Variants in NPPB observed in about 807,000 individuals in gnomAD.
NPPB encodes natriuretic peptides B.
In NPPB, 13 loss-of-function variants were observed where a neutral mutation model predicts 12.7. That is an observed-to-expected ratio of 1.03 (90% CI 0.67 to 1.63). The LOEUF is 1.63. NPPB is among the 40% of genes most tolerant of loss of function. The pLI is 0.00. For missense variants in NPPB, 184 were observed against 172.9 expected (o/e 1.06, Z -0.36); for synonymous variants, 66 against 74.7 (o/e 0.88, Z 0.60).
chr1:11,857,629 C>T lies in NPPB; in HGVS notation c.*26G>A, dbSNP rs963752670. 9 of 1,613,412 alleles carry T rather than the reference C, an allele frequency of 5.6e-6. No individual in the cohort carries two copies. The highest frequency in any genetic ancestry group is 7.6e-6 in the Non-Finnish European group (9 of 1,179,490). Reference sequence around the variant, plus strand: ...AAAAAGCCCCTTGTGGAATCAGAAGCAGGTGTCTGCAGCCAGGACTTCCTC... The same window carrying T: ...AAAAAGCCCCTTGTGGAATCAGAAGTAGGTGTCTGCAGCCAGGACTTCCTC... On this transcript the variant is annotated 3_prime_UTR_variant, in exon 3 of 3. Coordinates refer to ENST00000376468, the MANE Select transcript of NPPB (RefSeq NM_002521.3).
At chr1:11,857,794 C>T in intron 2 of NPPB, 123 bp from the exon 3 acceptor site, 1 of 906,264 alleles carries the variant, frequency 1.1e-6, no homozygotes, top group South Asian at 1.4e-5. Context: ...CTTAATGCAA[C>T]TCTCTGAGCC....
chr1:11,857,532 A>G lies in NPPB; in HGVS notation c.*123T>C. The G allele has an allele frequency of 1.1e-6, 1 of 922,596 alleles. No individual in the cohort carries two copies. The highest frequency in any genetic ancestry group is 1.7e-6 in the Non-Finnish European group (1 of 588,392). 57.2% of individuals were successfully genotyped at this position (922,596 alleles called of 1,614,324 possible). On this transcript the variant is annotated 3_prime_UTR_variant, in exon 3 of 3. Transcript: ENST00000376468. ...GCTCAAAGGTAAGAAACCATCTTAT[A>G]TAAAACAATCAAATAAATACATAAA...
In NPPB at chr1:11,857,641, G is replaced by T. The variant is rs565053006; in HGVS notation, c.*14C>A. 6.2e-7 allele frequency: 1 copy of T among 1,614,040 alleles called. No homozygotes were observed. Among genetic ancestry groups the T allele is most frequent in the Non-Finnish European group, 8.5e-7 (1 of 1,179,926 alleles). On this transcript the variant is annotated 3_prime_UTR_variant, in exon 3 of 3. Coordinates refer to ENST00000376468, the MANE Select transcript of NPPB (RefSeq NM_002521.3). ...GTGGAATCAGAAGCAGGTGTCTGCA[G>T]CCAGGACTTCCTCTTAATGCCGCCT...
At position 11,858,873 on chromosome 1, in the gene NPPB, G is replaced by C. The variant is rs763139106; in HGVS notation, c.-40C>G. The C allele has an allele frequency of 2.8e-6, 4 of 1,450,684 alleles. No individual in the cohort carries two copies. Among genetic ancestry groups the C allele is most frequent in the Non-Finnish European group, 3.7e-6 (4 of 1,079,094 alleles). 89.9% of individuals were successfully genotyped at this position (1,450,684 alleles called of 1,614,324 possible). On this transcript the variant is annotated 5_prime_UTR_variant, in exon 1 of 3. Coordinates refer to ENST00000376468, the MANE Select transcript of NPPB (RefSeq NM_002521.3). ...TGCGGAGGCTGCTGCTGCTGCTTCT[G>C]CTGCTGCTGCTGCTGCTGCGATGCG...
At position 11,858,884 on chromosome 1, in the gene NPPB, T is replaced by A. The variant is rs13305989; in HGVS notation, c.-51A>T. 204 of 1,613,078 alleles carry A rather than the reference T, an allele frequency of 1.3e-4. 2 individuals are homozygous for A. In the East Asian group the frequency reaches 4.5e-3, roughly 36 times the overall value. ...CTGCTGCTGCTTCTGCTGCTGCTGC[T>A]GCTGCTGCGATGCGTCCGGGTTTGC... is the stretch of plus-strand genomic sequence containing the variant. On this transcript the variant is annotated 5_prime_UTR_variant, in exon 1 of 3. Coordinates refer to ENST00000376468, the MANE Select transcript of NPPB (RefSeq NM_002521.3).
chr1:11,858,640 C>G, intron 1 of NPPB, 62 bp downstream of exon 1: 1 of 1,611,476 alleles, frequency 6.2e-7, no homozygotes, highest in Admixed American at 1.7e-5. Flanking sequence ...CCTCTTGGGA[C>G]AGCAGGTGAG....
Position 11,858,203 on chromosome 1 carries a change from G to T in NPPB, c.388+11C>A. On this transcript the variant is annotated intron_variant, in intron 2 of 2. Coordinates refer to ENST00000376468, the MANE Select transcript of NPPB (RefSeq NM_002521.3). ...TGGGGGAAGGCGGCCGGGGTGGCAGGGGGTGCTTACCTTTGCAGCCCAGGC... is the reference window on the plus strand; with the variant it reads ...TGGGGGAAGGCGGCCGGGGTGGCAGTGGGTGCTTACCTTTGCAGCCCAGGC... 6.3e-7 allele frequency: 1 copy of T among 1,585,302 alleles called. No individual in the cohort carries two copies. The highest frequency in any genetic ancestry group is 8.6e-7 in the Non-Finnish European group (1 of 1,163,248).
chr1:11,858,126 T>A, intron 2 of NPPB, 88 bp downstream of exon 2: 1 of 1,284,910 alleles, frequency 7.8e-7, no homozygotes, highest in Non-Finnish European at 1.1e-6. Flanking sequence ...AAGAGTGTGG[T>A]TCCCAGAGAC....
rs1645134371 is a variant in NPPB at position 11,858,457 on chromosome 1, G to A, written c.145C>T (p.His49Tyr). The change falls in exon 2 of 3, where the codon CAT (histidine) becomes TAT (tyrosine). Residue 49 changes from histidine to tyrosine, a missense_variant. By Grantham distance (83) the His-to-Tyr change is moderately conservative. Coordinates refer to ENST00000376468, the MANE Select transcript of NPPB (RefSeq NM_002521.3). Reference sequence around the variant, plus strand: ...AGCTCCGACAGTTTGCCCTGCAAATGGTTGCGCTGCTCCTGCAATGAATGG... The same window carrying A: ...AGCTCCGACAGTTTGCCCTGCAAATAGTTGCGCTGCTCCTGCAATGAATGG... ...ETSGLQEQRNHLQGKLSELQV... is the reference protein window; with the variant it reads ...ETSGLQEQRNYLQGKLSELQV... 2.6e-6 allele frequency: 4 copies of A among 1,540,240 alleles called. No homozygotes were observed. The highest frequency in any genetic ancestry group is 2.0e-5 in the Admixed American group (1 of 49,300).
chr1:11,857,516 TAAG>T lies in NPPB; in HGVS notation c.*136_*138del, dbSNP rs1279312154. On this transcript the variant is annotated 3_prime_UTR_variant, in exon 3 of 3. Coordinates refer to ENST00000376468, the MANE Select transcript of NPPB (RefSeq NM_002521.3). ...ACCGTGGAAATTTTGTGCTCAAAGG[TAAG>T]AAACCATCTTATATAAAACAATCAA... The T allele has an allele frequency of 1.5e-5, 12 of 783,004 alleles. No individual in the cohort carries two copies. Among genetic ancestry groups the T allele is most frequent in the Non-Finnish European group, 2.3e-5 (11 of 477,874 alleles). The allele number at this position is 783,004 out of a possible 1,614,324, so 48.5% of individuals were successfully genotyped here.
At position 11,857,681 on chromosome 1, in the gene NPPB, A is replaced by G. The variant is rs759424264; in HGVS notation, c.389-10T>C. On this transcript the variant is annotated splice_polypyrimidine_tract_variant and intron_variant, in intron 2 of 2. Transcript: ENST00000376468. ...TAATGCCGCCTCAGCACTGTCAGGGAAAGAGAGAGGGTGATGATGGTTAGG... is the reference window on the plus strand; with the variant it reads ...TAATGCCGCCTCAGCACTGTCAGGGGAAGAGAGAGGGTGATGATGGTTAGG... 1.5e-5 allele frequency: 24 copies of G among 1,613,888 alleles called. No homozygotes were observed. Among genetic ancestry groups the G allele is most frequent in the East Asian group, 6.7e-5 (3 of 44,878 alleles).
At chr1:11,858,546 C>G in intron 1 of NPPB, 77 bp from the exon 2 acceptor site, 1 of 1,551,490 alleles carries the variant, frequency 6.4e-7, no homozygotes, top group East Asian at 2.3e-5. Context: ...CCAAGTGAAC[C>G]GACTGCCTTG....
rs1396511860 is a variant in NPPB at position 11,857,558 on chromosome 1, T to C, written c.*97A>G. ...TAAAACAATCAAATAAATACATAAA[T>C]ACATTAAAAAAATGAGTCACTTCAA... is the stretch of plus-strand genomic sequence containing the variant. On this transcript the variant is annotated 3_prime_UTR_variant, in exon 3 of 3. Coordinates refer to ENST00000376468, the MANE Select transcript of NPPB (RefSeq NM_002521.3). The C allele has an allele frequency of 6.3e-6, 7 of 1,115,264 alleles. No individual in the cohort carries two copies. The highest frequency in any genetic ancestry group is 4.0e-5 in the South Asian group (3 of 75,192). 69.1% of individuals were successfully genotyped at this position (1,115,264 alleles called of 1,614,324 possible).
Position 11,857,563 on chromosome 1 carries a change from TA to T in NPPB, c.*91del, listed in dbSNP as rs35207557. ...CAATCAAATAAATACATAAATACAT[TA>T]AAAAAATGAGTCACTTCAAAGGCGG... On this transcript the variant is annotated 3_prime_UTR_variant, in exon 3 of 3. Transcript: ENST00000376468. 11 of 1,179,678 alleles carry T rather than the reference TA, an allele frequency of 9.3e-6. No homozygotes were observed. The highest frequency in any genetic ancestry group is 7.7e-5 in the South Asian group (6 of 77,800). The allele number at this position is 1,179,678 out of a possible 1,614,324, so 73.1% of individuals were successfully genotyped here. A position where few individuals can be genotyped will look rare whatever the true frequency, so the allele number is the denominator to read the frequency against.
intron 1 of NPPB, 98 bp from the exon 2 acceptor site, chr1:11,858,567 C>T: frequency 6.3e-7 from 1 of 1,576,694 alleles, no homozygotes; most frequent in Non-Finnish European, 8.6e-7. Context: ...GGTACAGGGT[C>T]AGGGCACCCA....
chr1:11,858,524 C>T, intron 1 of NPPB, 55 bp from the exon 2 acceptor site: 1 of 1,540,840 alleles, frequency 6.5e-7, no homozygotes, highest in East Asian at 2.3e-5. Flanking sequence ...GCTCACCAGC[C>T]CTTCATGGCA....
intron 2 of NPPB, 107 bp from the exon 3 acceptor site, chr1:11,857,778 T>C: frequency 8.7e-7 from 1 of 1,154,158 alleles, no homozygotes; most frequent in Non-Finnish European, 1.3e-6. Context: ...CATCAGACGT[T>C]TGAGGCTTAA....
At position 11,858,744 on chromosome 1, in the gene NPPB, G is replaced by T. The variant is rs1456381639; in HGVS notation, c.90C>A (p.Gly30=). 1 of 1,614,200 alleles carries T rather than the reference G, an allele frequency of 6.2e-7. No individual in the cohort carries two copies. Among genetic ancestry groups the T allele is most frequent in the Admixed American group, 1.7e-5 (1 of 60,022 alleles). ...AFLGGRSHPL[G]SPGSASDLET... is the part of the protein sequence containing the mutation. ...CCAAGTCCGAGGCTGAACCGGGGCT[G>T]CCCAGCGGGTGGGAACGACCTCCCA... Residue 30 remains glycine, a synonymous_variant, in exon 1 of 3, where the codon GGC becomes GGA. Coordinates refer to ENST00000376468, the MANE Select transcript of NPPB (RefSeq NM_002521.3).
rs530256837 is a variant in NPPB at position 11,857,598 on chromosome 1, T to C, written c.*57A>G. 5.7e-6 allele frequency: 9 copies of C among 1,582,720 alleles called. No individual in the cohort carries two copies. Among genetic ancestry groups the C allele is most frequent in the Non-Finnish European group, 7.8e-6 (9 of 1,151,804 alleles). ...AGTCACTTCAAAGGCGGCCACAGGG[T>C]TGAGGAAAAAGCCCCTTGTGGAATC... On this transcript the variant is annotated 3_prime_UTR_variant, in exon 3 of 3. Transcript: ENST00000376468.
Sources: allele counts gnomAD v4.1 joint callset, GRCh38; gene constraint gnomAD v4.1.1; transcripts MANE v1.5; gene names NCBI Gene and HGNC (gene_info 2026-07-23, HGNC 2026-07-21).